GMPS: variants seen among roughly 807,000 people sequenced by gnomAD.
GMPS encodes guanosine monophosphate synthase, also known as GMP synthase [glutamine-hydrolyzing].
Under a neutral mutation model 77.9 loss-of-function variants are expected in GMPS, and 15 were observed. The observed-to-expected ratio is 0.19, with a 90% CI of 0.13 to 0.30. The LOEUF (loss-of-function observed/expected upper bound fraction) is 0.30. GMPS is among the 10% of genes least tolerant of loss of function. The pLI, the probability that GMPS is intolerant of heterozygous loss-of-function variation, is 1.00. For missense variants in GMPS, 590 were observed against 838.8 expected, an observed-to-expected ratio of 0.70 and a Z score of 3.66; for synonymous variants, 224 against 275.9, an observed-to-expected ratio of 0.81 and a Z score of 1.86.
rs112641384 is a variant in GMPS at position 155,880,764 on chromosome 3, G to A, written c.27+9867G>A. Reference sequence around the variant, plus strand: ...TTATTAAGAAAATCTCTGTCGGTTTGTCTGTTAGGCATATTATCTTGCCTA... The same window carrying A: ...TTATTAAGAAAATCTCTGTCGGTTTATCTGTTAGGCATATTATCTTGCCTA... On this transcript the variant is annotated intron_variant, in intron 1 of 15. Transcript: ENST00000496455. 5.3e-4 allele frequency among the ~76,000 whole-genome samples: 80 copies of A among 152,112 alleles called. 4 individuals are homozygous for A. The highest frequency in any genetic ancestry group is 1.9e-3 in the African/African-American group (77 of 41,512).
intron 9 of GMPS, among the ~76,000 whole-genome samples, chr3:155,917,188 G>A (rs1755203042): frequency 6.6e-6 from 1 of 152,080 alleles, no homozygotes; most frequent in Non-Finnish European, 1.5e-5. Context: ...GGCCAGGCTG[G>A]TCTTCAACTC....
chr3:155,887,307 C>T (rs1317692438), intron 1 of GMPS, among the ~76,000 whole-genome samples: 6 of 152,094 alleles, frequency 3.9e-5, no homozygotes, highest in Non-Finnish European at 7.3e-5. Flanking sequence ...AGCACACTGG[C>T]ATGTTATCCA....
At chr3:155,919,002 A>G (rs1375175695) in intron 9 of GMPS, among the ~76,000 whole-genome samples, 2 of 152,208 alleles carry the variant, frequency 1.3e-5, no homozygotes, top group African/African-American at 2.4e-5. Context: ...ATTTATTTAT[A>G]TTTAAAAAGC....
intron 1 of GMPS, among the ~76,000 whole-genome samples, chr3:155,891,049 C>T (rs1754451191): frequency 6.6e-6 from 1 of 152,164 alleles, no homozygotes; most frequent in South Asian, 2.1e-4. Flanking sequence ...GTCACTGATC[C>T]TGATGTTCAT....
chr3:155,932,315 C>G (rs1056395560), intron 13 of GMPS, among the ~76,000 whole-genome samples: 3 of 149,782 alleles, frequency 2.0e-5, no homozygotes, highest in Admixed American at 2.0e-4. Flanking sequence ...CACACACACA[C>G]CCCTACAAAA....
chr3:155,933,783 C>T (rs1755691173), intron 13 of GMPS, among the ~76,000 whole-genome samples: 1 of 152,170 alleles, frequency 6.6e-6, no homozygotes, highest in African/African-American at 2.4e-5. Flanking sequence ...CATATCTCTA[C>T]CCTGATTCCC....
At chr3:155,892,797 A>AT (rs372248985) in intron 1 of GMPS, among the ~76,000 whole-genome samples, 1 of 152,056 alleles carries the variant, frequency 6.6e-6, no homozygotes, top group Non-Finnish European at 1.5e-5. Context: ...TGCCCAACTA[A>AT]TTTTTTGTAT....
upstream of GMPS, among the ~76,000 whole-genome samples, chr3:155,870,357 C>G (rs918845209): frequency 7.5e-6 from 1 of 133,000 alleles, no homozygotes; most frequent in Admixed American, 8.0e-5. Context: ...CGGTTTTTCT[C>G]CTGGCCGGCG....
chr3:155,915,948 C>G, intron 8 of GMPS, 71 bp from the exon 9 acceptor site: 1 of 960,396 alleles, frequency 1.0e-6, no homozygotes, highest in Non-Finnish European at 1.6e-6. Context: ...AGAGATTTAG[C>G]TGAAAGTATA....
chr3:155,931,246 C>T (rs527442767), intron 12 of GMPS, among the ~76,000 whole-genome samples: 37 of 151,552 alleles, frequency 2.4e-4, no homozygotes, highest in Non-Finnish European at 4.0e-4. Context: ...TGCAGTGATA[C>T]GATCTCTCAG....
intron 3 of GMPS, among the ~76,000 whole-genome samples, chr3:155,902,284 A>T (rs1754753180): frequency 6.6e-6 from 1 of 152,196 alleles, no homozygotes; most frequent in Admixed American, 6.5e-5. Context: ...ACAAGGGCCA[A>T]GTAAGGAAGT....
At chr3:155,895,862 C>T (rs187921667) in intron 2 of GMPS, among the ~76,000 whole-genome samples, 1 of 151,938 alleles carries the variant, frequency 6.6e-6, no homozygotes, top group Non-Finnish European at 1.5e-5. Context: ...AATCTTATAT[C>T]CTAGAGTTCT....
At chr3:155,901,766 T>G (rs568830774) in intron 3 of GMPS, among the ~76,000 whole-genome samples, 6 of 152,288 alleles carry the variant, frequency 3.9e-5, no homozygotes, top group African/African-American at 1.4e-4. Flanking sequence ...TTGCCATTTG[T>G]GTTTACTATA....
intron 11 of GMPS, among the ~76,000 whole-genome samples, chr3:155,922,736 T>G (rs1755348032): frequency 1.3e-5 from 2 of 152,194 alleles, no homozygotes; most frequent in African/African-American, 4.8e-5. Flanking sequence ...GGGCCAGAGA[T>G]TGGATCAGAT....
chr3:155,937,558 A>T, intron 15 of GMPS, 33 bp from the exon 16 acceptor site: 1 of 909,454 alleles, frequency 1.1e-6, no homozygotes, highest in South Asian at 1.3e-5. Flanking sequence ...CATGCAGTGG[A>T]TGCTGACTTT....
chr3:155,936,267 G>C, intron 14 of GMPS, 71 bp from the exon 15 acceptor site: 2 of 913,768 alleles, frequency 2.2e-6, no homozygotes, highest in South Asian at 2.8e-5. Context: ...TTGCCTGGGA[G>C]GATTTAATTG....
chr3:155,876,459 C>T (rs1754051067), intron 1 of GMPS, among the ~76,000 whole-genome samples: 2 of 152,198 alleles, frequency 1.3e-5, no homozygotes, highest in South Asian at 4.1e-4. Context: ...GCTTGCAACC[C>T]ACACAACACT....
chr3:155,877,981 C>T (rs1754096849), intron 1 of GMPS, among the ~76,000 whole-genome samples: 1 of 152,026 alleles, frequency 6.6e-6, no homozygotes, highest in Non-Finnish European at 1.5e-5. Flanking sequence ...GCTATGTTGA[C>T]CAGGCTGGTC....
In GMPS at chr3:155,894,032, A is replaced by G. The variant is rs190591405; in HGVS notation, c.209+333A>G. 4.6e-5 allele frequency among the ~76,000 whole-genome samples: 7 copies of G among 152,322 alleles called. No individual in the cohort carries two copies. The East Asian group carries it at 9.6e-4, about 21-fold the overall frequency. On this transcript the variant is annotated intron_variant, in intron 2 of 15. Transcript: ENST00000496455. ...AAAGGAAAGTAGGAAGTTGGCTAGA[A>G]TACTCCAAAGAGAAGAAATCTGTGT... is the stretch of plus-strand genomic sequence containing the variant.
Sources: allele counts gnomAD v4.1 joint callset (sites outside exome capture counted in the v4.1 genomes callset), GRCh38; gene constraint gnomAD v4.1.1; transcripts MANE v1.5; gene names NCBI Gene and HGNC (gene_info 2026-07-23, HGNC 2026-07-21).